The following CPNE4 variants were observed in gnomAD, a reference collection of about 807,000 sequenced individuals.
CPNE4 encodes the protein copine-4.
Under a neutral mutation model 67.9 loss-of-function variants are expected in CPNE4, and 25 were observed. The ratio of observed to expected loss-of-function variants is 0.37; its 90% confidence interval spans 0.27 to 0.51. The LOEUF (loss-of-function observed/expected upper bound fraction) is 0.51. Among genes scored for constraint, CPNE4 ranks in the 20% least tolerant of loss-of-function variants. The pLI is 0.93. For missense variants in CPNE4, 464 were observed against 690.8 expected (o/e 0.67, Z 3.68); for synonymous variants, 242 against 244.9 (o/e 0.99, Z 0.11).
At chr3:131,978,706 T>C (rs1441827743) in intron 1 of CPNE4, among the ~76,000 whole-genome samples, 2 of 149,302 alleles carry the variant, frequency 1.3e-5, no homozygotes, top group African/African-American at 4.9e-5. Flanking sequence ...TCTGCTCTGA[T>C]CTTGGTTATT....
rs1015124105 is a variant in CPNE4 at position 131,801,962 on chromosome 3, G to C, written c.181-78337C>G. Among the ~76,000 whole-genome samples the C allele has an allele frequency of 2.0e-5, 3 of 148,102 alleles. No homozygotes were observed. In the Admixed American group the frequency reaches 2.0e-4, roughly 10 times the overall value. ...ATAATAAAATGGTTTTAATCAGATG[G>C]ACTGATCTTTCAGGTCTAGGAAATA... On this transcript the variant is annotated intron_variant, in intron 2 of 15. Transcript: ENST00000429747.
chr3:131,748,672 T>A (rs2082550904), intron 2 of CPNE4, among the ~76,000 whole-genome samples: 1 of 152,144 alleles, frequency 6.6e-6, no homozygotes, highest in Admixed American at 6.5e-5. Context: ...GTGTTTTTCA[T>A]AAAGTGACAT....
chr3:131,741,231 A>T (rs1446218325), intron 2 of CPNE4, among the ~76,000 whole-genome samples: 1 of 152,156 alleles, frequency 6.6e-6, no homozygotes, highest in Non-Finnish European at 1.5e-5. Flanking sequence ...AATATTAACA[A>T]CTGATTCAGT....
chr3:131,877,970 G>C (rs2087523247), intron 2 of CPNE4, among the ~76,000 whole-genome samples: 1 of 152,176 alleles, frequency 6.6e-6, no homozygotes, highest in Admixed American at 6.5e-5. Context: ...AGATGAAAAA[G>C]ACAGGCAATA....
chr3:131,601,199 A>G lies in CPNE4; in HGVS notation c.682-13617T>C, dbSNP rs541279804. Among the ~76,000 whole-genome samples the G allele has an allele frequency of 7.9e-5, 12 of 152,256 alleles. 1 individual carries two copies. The South Asian group carries it at 2.5e-3, about 32-fold the overall frequency. ...CACTTTGCCTTTGGCTACCCAGTTC[A>G]TTCATCTCTATGGTGGGAATTACTT... On this transcript the variant is annotated intron_variant, in intron 7 of 15. Coordinates refer to ENST00000429747, the MANE Select transcript of CPNE4 (RefSeq NM_130808.3).
chr3:131,700,794 T>C (rs559717986), intron 3 of CPNE4, among the ~76,000 whole-genome samples: 14 of 152,160 alleles, frequency 9.2e-5, no homozygotes, highest in East Asian at 3.9e-4. Flanking sequence ...CACATGCACA[T>C]GTATGTTTAT....
At chr3:131,749,938 G>A (rs2082584019) in intron 2 of CPNE4, among the ~76,000 whole-genome samples, 1 of 152,122 alleles carries the variant, frequency 6.6e-6, no homozygotes. Context: ...AAGTCCAAGA[G>A]CATATCTCCA....
chr3:132,007,617 C>A (rs74439656), intron 1 of CPNE4, among the ~76,000 whole-genome samples: 3,789 of 152,040 alleles, frequency 0.025, 160 homozygotes, highest in African/African-American at 0.086. Context: ...CAACCATACA[C>A]AGCAGCCCTT....
At chr3:131,580,388 C>CTATACA (rs56222832) in intron 9 of CPNE4, among the ~76,000 whole-genome samples, 7,158 of 132,004 alleles carry the variant, frequency 0.054, 353 homozygotes, top group African/African-American at 0.11. Flanking sequence ...ACATTGGCCT[C>CTATACA]TATACATATA....
chr3:131,819,625 A>C (rs2084886613), intron 2 of CPNE4, among the ~76,000 whole-genome samples: 1 of 152,194 alleles, frequency 6.6e-6, no homozygotes, highest in Non-Finnish European at 1.5e-5. Context: ...AAACATCACA[A>C]TCTATTACTT....
intron 7 of CPNE4, among the ~76,000 whole-genome samples, chr3:131,626,088 T>C (rs139894323): frequency 5.3e-5 from 8 of 152,324 alleles, no homozygotes; most frequent in African/African-American, 1.9e-4. Context: ...CTCCACCAAC[T>C]GGCTATTCTC....
chr3:131,645,353 A>C (rs964875552), intron 7 of CPNE4, among the ~76,000 whole-genome samples: 4 of 152,202 alleles, frequency 2.6e-5, no homozygotes, highest in Non-Finnish European at 4.4e-5. Flanking sequence ...AGAGAACACA[A>C]GTATGTTTCA....
chr3:131,579,850 G>T (rs1273189289), intron 9 of CPNE4, among the ~76,000 whole-genome samples: 1 of 152,174 alleles, frequency 6.6e-6, no homozygotes, highest in Admixed American at 6.5e-5. Flanking sequence ...ATCTGCTCCT[G>T]GTGAAGATGC....
intron 2 of CPNE4, among the ~76,000 whole-genome samples, chr3:131,754,273 A>G (rs1049227733): frequency 2.6e-5 from 4 of 152,188 alleles, no homozygotes; most frequent in Admixed American, 2.0e-4. Flanking sequence ...ATGGGCAAAG[A>G]GAAAAACCAA....
intron 1 of CPNE4, among the ~76,000 whole-genome samples, chr3:131,986,218 G>A (rs984749959): frequency 2.0e-5 from 3 of 152,140 alleles, no homozygotes; most frequent in African/African-American, 7.2e-5. Context: ...CTCTCTAGGA[G>A]GAAGTCAGGG....
chr3:131,877,977 A>T (rs895941116), intron 2 of CPNE4, among the ~76,000 whole-genome samples: 2 of 152,232 alleles, frequency 1.3e-5, no homozygotes, highest in African/African-American at 4.8e-5. Context: ...AAAGACAGGC[A>T]ATATAAAATG....
At chr3:131,915,713 A>G (rs991317772) in intron 1 of CPNE4, among the ~76,000 whole-genome samples, 1 of 152,202 alleles carries the variant, frequency 6.6e-6, no homozygotes, top group Non-Finnish European at 1.5e-5. Flanking sequence ...CCTGAACTTT[A>G]TAATTTGAGA....
At chr3:131,713,714 A>C (rs1181625430) in intron 3 of CPNE4, among the ~76,000 whole-genome samples, 1 of 152,204 alleles carries the variant, frequency 6.6e-6, no homozygotes, top group African/African-American at 2.4e-5. Context: ...TCAAAGTATA[A>C]AAGGAGGACT....
chr3:131,978,123 TATATATATTTATATAAATATATATAAA>T (rs1300603909), intron 1 of CPNE4, among the ~76,000 whole-genome samples: 4 of 81,230 alleles, frequency 4.9e-5, no homozygotes, highest in African/African-American at 2.0e-4. Flanking sequence ...TATATATAAA[TATATATATTTATATAAATATATATAAA>T]ATATATAAAT....
Sources: allele counts gnomAD v4.1 joint callset (sites outside exome capture counted in the v4.1 genomes callset), GRCh38; gene constraint gnomAD v4.1.1; transcripts MANE v1.5; gene names NCBI Gene and HGNC (gene_info 2026-07-23, HGNC 2026-07-21).